The following NUDT22 variants were observed in gnomAD, a reference collection of about 807,000 sequenced individuals.
NUDT22 encodes the protein nudix hydrolase 22, also known as uridine diphosphate glucose pyrophosphatase NUDT22.
A neutral mutation model predicts 28.8 loss-of-function variants in NUDT22; 23 were observed. The observed-to-expected ratio is 0.80, with a 90% confidence interval of 0.58 to 1.13. NUDT22 has a LOEUF of 1.13. NUDT22 is among the 50% of genes most tolerant of loss of function. The probability of loss-of-function intolerance (pLI) is 0.00; values close to 1 mark genes in which losing one functional copy is unlikely to be tolerated. For missense variants in NUDT22, 358 were observed against 387.3 expected (o/e 0.92, Z 0.64); for synonymous variants, 175 against 173.7 (o/e 1.01, Z -0.06).
Position 64,228,802 on chromosome 11 carries a change from C to T in NUDT22, c.580-445C>T, listed in dbSNP as rs184860285. ...CCTGGCCAACATGGAGAAACCCCAT[C>T]TCTACTAAAAATACAAAAAATTAGC... On this transcript the variant is annotated intron_variant, in intron 3 of 5. Coordinates refer to ENST00000279206, the MANE Select transcript of NUDT22 (RefSeq NM_032344.4). The T allele has an allele frequency of 2.3e-3, 363 of 155,824 alleles. 2 individuals are homozygous for T. The highest frequency in any genetic ancestry group is 4.3e-3 in the Non-Finnish European group (305 of 70,172). 9.7% of individuals were successfully genotyped at this position (155,824 alleles called of 1,614,324 possible).
chr11:64,227,625 C>G lies in NUDT22; in HGVS notation c.538C>G (p.His180Asp), dbSNP rs1947075916. 1.2e-6 allele frequency: 2 copies of G among 1,613,984 alleles called. No individual in the cohort carries two copies. Among genetic ancestry groups the G allele is most frequent in the Non-Finnish European group, 1.7e-6 (2 of 1,180,030 alleles). The change falls in exon 3 of 6, where the codon CAT (histidine) becomes GAT (aspartate). Residue 180 changes from histidine (H) to aspartate (D), a missense_variant. Physicochemically the swap from His to Asp is moderately conservative, Grantham distance 81. Coordinates refer to ENST00000279206, the MANE Select transcript of NUDT22 (RefSeq NM_032344.4). ...HQDLAGQLVV[H>D]ELFSSVLQEI... Reference sequence around the variant, plus strand: ...GGACCTCGCTGGGCAGCTGGTGGTACATGAACTCTTTTCCAGTGTCCTTCA... The same window carrying G: ...GGACCTCGCTGGGCAGCTGGTGGTAGATGAACTCTTTTCCAGTGTCCTTCA...
chr11:64,227,622 G>C lies in NUDT22; in HGVS notation c.535G>C (p.Val179Leu). The C allele has an allele frequency of 6.2e-7, 1 of 1,614,104 alleles. No homozygotes were observed. Among genetic ancestry groups the C allele is most frequent in the Middle Eastern group, 1.6e-4 (1 of 6,062 alleles). Residue 179 changes from valine (V) to leucine (L), a missense_variant, in exon 3 of 6, where the codon GTA becomes CTA. Val to Leu is a conservative substitution (Grantham distance 32). Transcript: ENST00000279206. ...QHQDLAGQLV[V>L]HELFSSVLQE... ...CCAGGACCTCGCTGGGCAGCTGGTG[G>C]TACATGAACTCTTTTCCAGTGTCCT...
Position 64,229,921 on chromosome 11 carries a change from C to T in NUDT22, c.843C>T (p.Leu281=). ...CCTCGGCCAAAGGCGCCATCATCCT[C>T]TACAACCGGGTTCAGGGAAGTCCCA... ...LCPSAKGAII[L]YNRVQGSPTG... The change falls in exon 6 of 6, where the codon CTC becomes CTT. Residue 281 remains leucine (L), a synonymous_variant. Transcript: ENST00000279206. 6.2e-7 allele frequency: 1 copy of T among 1,613,336 alleles called. No homozygotes were observed. Among genetic ancestry groups the T allele is most frequent in the Non-Finnish European group, 8.5e-7 (1 of 1,179,996 alleles).
At position 64,229,356 on chromosome 11, in the gene NUDT22, C is replaced by G; in HGVS notation, c.677+12C>G. 1.2e-6 allele frequency: 2 copies of G among 1,612,576 alleles called. No individual in the cohort carries two copies. Among genetic ancestry groups the G allele is most frequent in the Non-Finnish European group, 1.7e-6 (2 of 1,179,056 alleles). The stretch of plus-strand genomic sequence containing the variant: ...GAGTTCTATGTCCAGTGAGTAGGCT[C>G]GGGTACATGATCCTGGGTCTTGGGA... On this transcript the variant is annotated intron_variant, in intron 4 of 5. Transcript: ENST00000279206.
At chr11:64,227,205 C>T in intron 2 of NUDT22, 73 bp downstream of exon 2, 3 of 1,516,622 alleles carry the variant, frequency 2.0e-6, no homozygotes, top group Non-Finnish European at 1.8e-6. Context: ...CCCAATCCTC[C>T]CAGCTTTGGT....
At position 64,226,780 on chromosome 11, in the gene NUDT22, C is replaced by T; in HGVS notation, c.128C>T (p.Ala43Val). 1.2e-6 allele frequency: 2 copies of T among 1,610,528 alleles called. No homozygotes were observed. The highest frequency in any genetic ancestry group is 8.5e-7 in the Non-Finnish European group (1 of 1,179,934). ...PLPGGDEAITAIWETRLKAQP... is the reference protein window; with the variant it reads ...PLPGGDEAITVIWETRLKAQP... ...CCAGGTGGGGACGAGGCCATCACTG[C>T]CATCTGGGAGACCCGGCTAAAGGCC... The change falls in exon 2 of 6, where the codon GCC becomes GTC. Residue 43 changes from alanine (A) to valine (V), a missense_variant. By Grantham distance (64) the Ala-to-Val change is moderately conservative (BLOSUM62 0). Transcript: ENST00000279206.
intron 2 of NUDT22, 101 bp downstream of exon 2, chr11:64,227,233 G>T (rs757741619): frequency 1.4e-6 from 2 of 1,406,928 alleles, no homozygotes; most frequent in East Asian, 5.0e-5. Context: ...TTCCTTAAAG[G>T]GAAAATTGGC....
At position 64,229,231 on chromosome 11, in the gene NUDT22, C is replaced by G. The variant is rs1947127571; in HGVS notation, c.580-16C>G. The stretch of plus-strand genomic sequence containing the variant: ...TTGATAGGTGGGACCTCCCCCCACC[C>G]CACCCTCCACCGCAGGTGAACCTGC... On this transcript the variant is annotated splice_polypyrimidine_tract_variant and intron_variant, in intron 3 of 5. Transcript: ENST00000279206. 1 of 1,547,314 alleles carries G rather than the reference C, an allele frequency of 6.5e-7. No homozygotes were observed.
In NUDT22 at chr11:64,229,879, G is replaced by A. The variant is rs142287515; in HGVS notation, c.801G>A (p.Met267Ile). The change falls in exon 6 of 6, where the codon ATG (methionine) becomes ATA (isoleucine). Residue 267 changes from methionine to isoleucine, a missense_variant. Transcript: ENST00000279206. ...TGCAGAGATTGCTCGAGACGGAGAT[G>A]TGGGCTGAACTCTGCCCCTCGGCCA... ...QNVQRLLETE[M>I]WAELCPSAKG... 6.2e-6 allele frequency: 10 copies of A among 1,613,314 alleles called. No homozygotes were observed. Among genetic ancestry groups the A allele is most frequent in the Non-Finnish European group, 8.5e-6 (10 of 1,179,996 alleles).
intron 5 of NUDT22, 125 bp downstream of exon 5, chr11:64,229,696 C>A: frequency 1.5e-6 from 2 of 1,351,450 alleles, no homozygotes; most frequent in Non-Finnish European, 2.1e-6. Context: ...AAGATTTGCC[C>A]TCAGTGCAAG....
intron 2 of NUDT22, chr11:64,227,342 T>C: frequency 1.3e-6 from 1 of 746,734 alleles, no homozygotes; most frequent in Non-Finnish European, 2.3e-6. Context: ...GGAGGAAAGA[T>C]TGGGCACAGG....
At position 64,226,721 on chromosome 11, in the gene NUDT22, C is replaced by G. The variant is rs764742693; in HGVS notation, c.69C>G (p.Ala23=). The change falls in exon 2 of 6, where the codon GCC becomes GCG. Residue 23 remains alanine, a synonymous_variant. Transcript: ENST00000279206. ...GCCTGCCCCAGGAGCAGATACAGGC[C>G]GAGCTGAGCCCCGCCCATGACCGTC... ...GGGLPQEQIQ[A]ELSPAHDRRP... is the part of the protein sequence containing the mutation. 10 of 1,610,338 alleles carry G rather than the reference C, an allele frequency of 6.2e-6. No homozygotes were observed. The highest frequency in any genetic ancestry group is 1.3e-5 in the African/African-American group (1 of 74,904).
intron 2 of NUDT22, 31 bp from the exon 3 acceptor site, chr11:64,227,537 G>A (rs1947071894): frequency 2.6e-6 from 4 of 1,548,576 alleles, no homozygotes; most frequent in Middle Eastern, 3.4e-4. Flanking sequence ...GGAAGAGGTG[G>A]GGAGCAGGGG....
In NUDT22 at chr11:64,230,002, G is replaced by T; in HGVS notation, c.*12G>T. 6.2e-7 allele frequency: 1 copy of T among 1,609,742 alleles called. No individual in the cohort carries two copies. Among genetic ancestry groups the T allele is most frequent in the South Asian group, 1.1e-5 (1 of 90,882 alleles). ...TCCCGCCGCTCTGAAAATAATAAAC[G>T]ACTTTATTCTTGGATTCCGTTGGCA... is the stretch of plus-strand genomic sequence containing the variant. On this transcript the variant is annotated 3_prime_UTR_variant, in exon 6 of 6. Coordinates refer to ENST00000279206, the MANE Select transcript of NUDT22 (RefSeq NM_032344.4).
Position 64,226,791 on chromosome 11 carries a change from A to G in NUDT22, c.139A>G (p.Thr47Ala). 3 of 1,610,274 alleles carry G rather than the reference A, an allele frequency of 1.9e-6. No homozygotes were observed. The highest frequency in any genetic ancestry group is 2.5e-6 in the Non-Finnish European group (3 of 1,179,910). Residue 47 changes from threonine (T) to alanine (A), a missense_variant, in exon 2 of 6, where the codon ACC (threonine) becomes GCC (alanine). Thr to Ala is a moderately conservative substitution (Grantham distance 58). Coordinates refer to ENST00000279206, the MANE Select transcript of NUDT22 (RefSeq NM_032344.4). ...CGAGGCCATCACTGCCATCTGGGAGACCCGGCTAAAGGCCCAACCCTGGCT... is the reference window on the plus strand; with the variant it reads ...CGAGGCCATCACTGCCATCTGGGAGGCCCGGCTAAAGGCCCAACCCTGGCT... ...GDEAITAIWE[T>A]RLKAQPWLFD... is the part of the protein sequence containing the mutation.
intron 1 of NUDT22, 88 bp downstream of exon 1, chr11:64,226,515 A>AG (rs1289668148): frequency 2.2e-5 from 32 of 1,484,452 alleles, no homozygotes; most frequent in Admixed American, 4.8e-5. Context: ...AGGAGTGGTC[A>AG]GGGGGGTGGA....
chr11:64,226,282 A>T lies in NUDT22; in HGVS notation c.-164A>T. On this transcript the variant is annotated 5_prime_UTR_variant, in exon 1 of 6. Coordinates refer to ENST00000279206, the MANE Select transcript of NUDT22 (RefSeq NM_032344.4). ...CGCTTCGGGGAAGGGGCGGAGCCTG[A>T]GGGACCCGGCGGCTGGTGAGCGCCC... 1 of 723,616 alleles carries T rather than the reference A, an allele frequency of 1.4e-6. No individual in the cohort carries two copies. The allele number at this position is 723,616 out of a possible 1,614,324, so 44.8% of individuals were successfully genotyped here.
intron 5 of NUDT22, 122 bp from the exon 6 acceptor site, chr11:64,229,728 C>T: frequency 7.2e-7 from 1 of 1,390,414 alleles, no homozygotes; most frequent in Non-Finnish European, 1.0e-6. Context: ...GGGACATGTT[C>T]AGCCCCTTAA....
intron 3 of NUDT22, chr11:64,227,875 C>CTTTT: frequency 6.6e-6 from 3 of 457,624 alleles, no homozygotes; most frequent in Non-Finnish European, 1.2e-5. Context: ...TTTTTTCTTT[C>CTTTT]TTTTTTTTTT....
Sources: gnomAD v4.1 joint callset for allele counts on GRCh38, gnomAD v4.1.1 for gene constraint, MANE v1.5 for transcripts, NCBI Gene and HGNC (gene_info 2026-07-23, HGNC 2026-07-21) for gene names.